The following SPACA7 variants were observed in gnomAD, a reference collection of about 807,000 sequenced individuals.
The protein encoded by SPACA7 is sperm acrosome-associated protein 7.
Under a neutral mutation model 26.3 loss-of-function variants are expected in SPACA7, and 19 were observed. That is an observed-to-expected ratio of 0.72 (90% confidence interval 0.50 to 1.06). The LOEUF is 1.06. Among genes scored for constraint, SPACA7 ranks in the 50% least tolerant of loss-of-function variants. SPACA7 has a pLI of 0.00. For synonymous variants in SPACA7, 84 were observed against 84.5 expected, an observed-to-expected ratio of 0.99 and a Z score of 0.04; for missense variants, 211 against 229.9, an observed-to-expected ratio of 0.92 and a Z score of 0.53.
Position 112,418,303 on chromosome 13 carries a change from T to A in SPACA7, c.446-14141T>A, listed in dbSNP as rs1406092653. ...AACAATCCTCAACTGTAATTTTCCC[T>A]TATGAAACATAGAAATTTGGCTGTT... On this transcript the variant is annotated intron_variant, in intron 5 of 6. Transcript: ENST00000283550. Among the ~76,000 whole-genome samples, 3 of 152,348 alleles carry A rather than the reference T, an allele frequency of 2.0e-5. No individual in the cohort carries two copies. The East Asian group carries it at 5.8e-4, about 29-fold the overall frequency.
chr13:112,424,045 T>G (rs1423845315), intron 5 of SPACA7, among the ~76,000 whole-genome samples: 2 of 152,182 alleles, frequency 1.3e-5, no homozygotes, highest in Non-Finnish European at 2.9e-5. Context: ...GAAAACGTCA[T>G]GAAGCATTTG....
In SPACA7 at chr13:112,386,620, A is replaced by C. The variant is rs563437072; in HGVS notation, c.95-6401A>C. On this transcript the variant is annotated intron_variant, in intron 1 of 6. Coordinates refer to ENST00000283550, the MANE Select transcript of SPACA7 (RefSeq NM_145248.5). ...GCCTTAAGGGTGACGAGACAAAAAA[A>C]AATGGAGACAAATAGTACAGTTGAC... Among the ~76,000 whole-genome samples the C allele has an allele frequency of 2.0e-5, 3 of 152,286 alleles. No homozygotes were observed. In the South Asian group the frequency reaches 6.2e-4, roughly 32 times the overall value.
chr13:112,401,874 C>T (rs569475371), intron 5 of SPACA7, among the ~76,000 whole-genome samples: 15 of 152,294 alleles, frequency 9.8e-5, no homozygotes, highest in East Asian at 1.9e-4. Flanking sequence ...CAAAGCCACA[C>T]GTATTACACA....
rs527278751 is a variant in SPACA7, at chr13:112,415,329, C to A, written c.445+14165C>A. On this transcript the variant is annotated intron_variant, in intron 5 of 6. Transcript: ENST00000283550. The stretch of plus-strand genomic sequence containing the variant: ...ACCAGAGCTCATCCAAGGTCTGCAG[C>A]TGCTACTGCCTAACTGCCATTGATG... Among the ~76,000 whole-genome samples the A allele has an allele frequency of 5.9e-5, 9 of 152,362 alleles. No individual in the cohort carries two copies. The South Asian group carries it at 1.9e-3, about 32-fold the overall frequency.
chr13:112,408,276 A>AAAACTGGAAGC (rs1250610251), intron 5 of SPACA7, among the ~76,000 whole-genome samples: 7 of 152,190 alleles, frequency 4.6e-5, no homozygotes, highest in African/African-American at 1.7e-4. Context: ...TGAATGGGCA[A>AAAACTGGAAGC]AAACTGGAAG....
chr13:112,431,588 T>G (rs1877141823), intron 5 of SPACA7, among the ~76,000 whole-genome samples: 1 of 152,170 alleles, frequency 6.6e-6, no homozygotes. Context: ...GGATTCTTGT[T>G]TCCAAGAAAT....
intron 1 of SPACA7, among the ~76,000 whole-genome samples, chr13:112,378,922 G>T (rs765621058): frequency 6.6e-6 from 1 of 152,172 alleles, no homozygotes; most frequent in Non-Finnish European, 1.5e-5. Flanking sequence ...GTATGGTCCT[G>T]AAAATCATAA....
At chr13:112,376,705 A>C (rs1883720925) in intron 1 of SPACA7, among the ~76,000 whole-genome samples, 1 of 152,210 alleles carries the variant, frequency 6.6e-6, no homozygotes, top group Non-Finnish European at 1.5e-5. Context: ...TTATTATGGA[A>C]AATTTCTAAC....
chr13:112,399,357 C>T (rs1177373578), intron 4 of SPACA7, among the ~76,000 whole-genome samples, 184 bp downstream of exon 4: 1 of 152,258 alleles, frequency 6.6e-6, no homozygotes, highest in African/African-American at 2.4e-5. Context: ...CCCCAGCTTC[C>T]TCACCCCCTG....
At chr13:112,391,348 C>T (rs1884875195) in intron 1 of SPACA7, among the ~76,000 whole-genome samples, 1 of 152,198 alleles carries the variant, frequency 6.6e-6, no homozygotes, top group Non-Finnish European at 1.5e-5. Context: ...GCATTTGCCT[C>T]AGAAATTGAG....
chr13:112,429,235 G>C (rs1351767033), intron 5 of SPACA7, among the ~76,000 whole-genome samples: 1 of 152,060 alleles, frequency 6.6e-6, no homozygotes, highest in East Asian at 1.9e-4. Flanking sequence ...TATTGGCTTG[G>C]TGTTGTGACA....
chr13:112,377,099 T>G lies in SPACA7; in HGVS notation c.94+620T>G, dbSNP rs968604331. On this transcript the variant is annotated intron_variant, in intron 1 of 6. Coordinates refer to ENST00000283550, the MANE Select transcript of SPACA7 (RefSeq NM_145248.5). ...CTCCAAATACAGGGAAAGTGGAGAT[T>G]TGCAGCCAAGGATCAGGGTGGGTCA... 2.6e-5 allele frequency among the ~76,000 whole-genome samples: 4 copies of G among 152,242 alleles called. No individual in the cohort carries two copies. The East Asian group carries it at 7.7e-4, about 29-fold the overall frequency.
intron 1 of SPACA7, chr13:112,382,232 G>A: frequency 1.9e-6 from 1 of 528,562 alleles, no homozygotes; most frequent in South Asian, 3.0e-5. Flanking sequence ...GGGTTTTATA[G>A]CACCTTAATC....
chr13:112,414,996 C>T (rs1211863304), intron 5 of SPACA7, among the ~76,000 whole-genome samples: 1 of 152,202 alleles, frequency 6.6e-6, no homozygotes. Context: ...CTGTTGAGTT[C>T]CCTAAGCCTG....
chr13:112,397,253 T>TCC (rs1394176627), intron 2 of SPACA7, among the ~76,000 whole-genome samples: 3 of 152,190 alleles, frequency 2.0e-5, no homozygotes, highest in African/African-American at 7.2e-5. Flanking sequence ...GCTGAGGAGC[T>TCC]TCTTCTTGAG....
intron 1 of SPACA7, among the ~76,000 whole-genome samples, chr13:112,388,668 C>T (rs1329521895): frequency 6.6e-6 from 1 of 152,200 alleles, no homozygotes; most frequent in Non-Finnish European, 1.5e-5. Flanking sequence ...CCTGCCTAGG[C>T]AGAGCCAATT....
At position 112,387,344 on chromosome 13, in the gene SPACA7, C is replaced by G. The variant is rs1001733640; in HGVS notation, c.95-5677C>G. Among the ~76,000 whole-genome samples, 3 of 152,208 alleles carry G rather than the reference C, an allele frequency of 2.0e-5. No homozygotes were observed. The East Asian group carries it at 5.8e-4, about 29-fold the overall frequency. The stretch of plus-strand genomic sequence containing the variant: ...CAGTATTGGTTTCAGGGACCCACAG[C>G]AAAGTTTGTAACTGACCAGCCTGCC... On this transcript the variant is annotated intron_variant, in intron 1 of 6. Transcript: ENST00000283550.
intron 5 of SPACA7, among the ~76,000 whole-genome samples, chr13:112,425,436 C>T (rs977208118): frequency 6.6e-6 from 1 of 152,220 alleles, no homozygotes; most frequent in Non-Finnish European, 1.5e-5. Flanking sequence ...CAGCTCGGCC[C>T]GGCCGCTGGA....
chr13:112,430,530 C>A (rs916347574), intron 5 of SPACA7, among the ~76,000 whole-genome samples: 3 of 152,052 alleles, frequency 2.0e-5, no homozygotes, highest in Non-Finnish European at 2.9e-5. Flanking sequence ...AGATTTTTAC[C>A]CATGTGGTTC....
Sources: allele counts gnomAD v4.1 joint callset (sites outside exome capture counted in the v4.1 genomes callset), GRCh38; gene constraint gnomAD v4.1.1; transcripts MANE v1.5; gene names NCBI Gene and HGNC (gene_info 2026-07-23, HGNC 2026-07-21).